HLCS: variants seen among roughly 807,000 people sequenced by gnomAD.
The protein encoded by HLCS is holocarboxylase synthetase, also known as biotin--protein ligase.
HLCS carries 53 observed loss-of-function variants against 75.0 expected under a neutral mutation model. That is an observed-to-expected ratio of 0.71 (90% confidence interval 0.57 to 0.89). HLCS has a LOEUF of 0.89. HLCS is among the 40% of genes least tolerant of loss of function. HLCS has a pLI of 0.00. For synonymous variants in HLCS, 431 were observed against 428.6 expected (o/e 1.01, Z -0.07); for missense variants, 966 against 1,074.0 (o/e 0.90, Z 1.41).
chr21:36,776,134 G>A (rs1316002328), intron 6 of HLCS, among the ~76,000 whole-genome samples: 1 of 152,102 alleles, frequency 6.6e-6, no homozygotes, highest in East Asian at 1.9e-4. Context: ...CTTTTACTTC[G>A]AAATAATATC....
intron 6 of HLCS, among the ~76,000 whole-genome samples, chr21:36,845,644 T>G (rs533657566): frequency 2.6e-4 from 40 of 152,150 alleles, no homozygotes; most frequent in Non-Finnish European, 5.1e-4. Context: ...TGGCCCCCAG[T>G]GGTGGAGCGG....
intron 6 of HLCS, among the ~76,000 whole-genome samples, chr21:36,870,857 A>G (rs1224845322): frequency 6.6e-6 from 1 of 152,194 alleles, no homozygotes; most frequent in African/African-American, 2.4e-5. Context: ...GGTTTGGAAA[A>G]TGGCATCTAA....
intron 1 of HLCS, among the ~76,000 whole-genome samples, chr21:36,976,639 C>T (rs2068946295): frequency 6.6e-6 from 1 of 152,038 alleles, no homozygotes; most frequent in Admixed American, 6.5e-5. Flanking sequence ...TTGGTAAATC[C>T]ATGGTTGTGT....
intron 5 of HLCS, among the ~76,000 whole-genome samples, chr21:36,914,189 C>A (rs1312045537): frequency 1.3e-5 from 2 of 152,230 alleles, no homozygotes; most frequent in African/African-American, 4.8e-5. Flanking sequence ...GGTCCAGGGG[C>A]CAGCACATCT....
chr21:36,773,142 G>A (rs1384174699), intron 6 of HLCS, among the ~76,000 whole-genome samples: 1 of 152,044 alleles, frequency 6.6e-6, no homozygotes, highest in Non-Finnish European at 1.5e-5. Context: ...TAATTGTAGT[G>A]CATTCATTTT....
chr21:36,770,404 C>A (rs1335156629), intron 6 of HLCS, among the ~76,000 whole-genome samples: 4 of 152,028 alleles, frequency 2.6e-5, no homozygotes, highest in Non-Finnish European at 4.4e-5. Flanking sequence ...GCTTCAGCCT[C>A]CCAAAGTGCT....
chr21:36,954,108 C>T (rs890342482), intron 2 of HLCS, among the ~76,000 whole-genome samples: 93 of 152,048 alleles, frequency 6.1e-4, no homozygotes, highest in African/African-American at 2.2e-3. Context: ...GAGATCGAGA[C>T]CATCCTAGGC....
In HLCS at chr21:36,751,843, C is replaced by G. The variant is rs535197739; in HGVS notation, c.*2403G>C. ...CAAAATACGGTCGATACTCAATGCACAGCCTCTAAAACAAGGGCTACTCCA... is the reference window on the plus strand; with the variant it reads ...CAAAATACGGTCGATACTCAATGCAGAGCCTCTAAAACAAGGGCTACTCCA... On this transcript the variant is annotated 3_prime_UTR_variant, in exon 11 of 11. Coordinates refer to ENST00000674895, the MANE Select transcript of HLCS (RefSeq NM_001352514.2). 1.3e-5 allele frequency: 2 copies of G among 152,204 alleles called. No homozygotes were observed. The highest frequency in any genetic ancestry group is 2.4e-5 in the African/African-American group (1 of 41,426). 9.4% of individuals were successfully genotyped at this position (152,204 alleles called of 1,614,324 possible).
chr21:36,853,357 A>G (rs1378191210), intron 6 of HLCS, among the ~76,000 whole-genome samples: 2 of 152,206 alleles, frequency 1.3e-5, no homozygotes, highest in African/African-American at 4.8e-5. Flanking sequence ...GGGTGTAACT[A>G]TGGAAGGAAG....
At chr21:36,984,059 G>A (rs994182171) in intron 1 of HLCS, among the ~76,000 whole-genome samples, 3 of 151,952 alleles carry the variant, frequency 2.0e-5, no homozygotes, top group African/African-American at 4.8e-5. Context: ...GGCTGGTCTC[G>A]AACTCCTGGC....
rs911599606 is a variant in HLCS, at chr21:36,966,544, G to A, written c.95C>T (p.Ser32Leu). ...VRATVRRLRA[S>L]RCSFTFCGAA... ...GCCGCAGAAGGTGAAGGAACAGCGC[G>A]AGGCACGCAGCCGCCGCACCGTGGC... Residue 32 changes from serine to leucine, a missense_variant, in exon 1 of 11, where the codon TCG (serine) becomes TTG (leucine). Ser to Leu is a moderately radical substitution (Grantham distance 145). Transcript: ENST00000674895. 35 of 1,001,044 alleles carry A rather than the reference G, an allele frequency of 3.5e-5. No homozygotes were observed. The highest frequency in any genetic ancestry group is 3.0e-4 in the African/African-American group (17 of 57,214). The allele number at this position is 1,001,044 out of a possible 1,614,324, so 62.0% of individuals were successfully genotyped here.
intron 6 of HLCS, among the ~76,000 whole-genome samples, chr21:36,890,482 A>G (rs1476726712): frequency 6.6e-6 from 1 of 152,158 alleles, no homozygotes; most frequent in East Asian, 1.9e-4. Context: ...AGTCATCAGC[A>G]AGCGGCACCC....
At chr21:36,986,890 C>G (rs1266678931) in intron 1 of HLCS, 1 of 152,256 alleles carries the variant, frequency 6.6e-6, no homozygotes, top group Non-Finnish European at 1.5e-5. Flanking sequence ...CAATCATTAG[C>G]TGGCATTCTC....
chr21:36,828,694 A>ATACT (rs1447453721), intron 6 of HLCS, among the ~76,000 whole-genome samples: 3 of 152,232 alleles, frequency 2.0e-5, no homozygotes, highest in Non-Finnish European at 2.9e-5. Context: ...GATCCCTAGC[A>ATACT]TAAAAGTTGT....
At chr21:36,820,632 G>A (rs2061809127) in intron 6 of HLCS, among the ~76,000 whole-genome samples, 1 of 152,268 alleles carries the variant, frequency 6.6e-6, no homozygotes, top group African/African-American at 2.4e-5. Context: ...ACAGGCTTCT[G>A]GGATGCCAAG....
rs140926019 is a variant in HLCS, at chr21:36,824,680, C to T, written c.1893-57395G>A. On this transcript the variant is annotated intron_variant, in intron 6 of 10. Transcript: ENST00000674895. ...TTCTAGGTTTTGTTTTGTCCATACA[C>T]GGTACAGACTTCCTCCACAGAGGGA... Among the ~76,000 whole-genome samples the T allele has an allele frequency of 1.7e-4, 26 of 152,292 alleles. No homozygotes were observed. The East Asian group carries it at 4.6e-3, about 27-fold the overall frequency.
At position 36,899,388 on chromosome 21, in the gene HLCS, C is replaced by T. The variant is rs573266547; in HGVS notation, c.1621-2257G>A. On this transcript the variant is annotated intron_variant, in intron 5 of 10. Coordinates refer to ENST00000674895, the MANE Select transcript of HLCS (RefSeq NM_001352514.2). ...CCTGTAATCCCAACACTTTGGGAGG[C>T]TGAAGAGGGTGGATCACTTGAGGCC... 2.0e-5 allele frequency among the ~76,000 whole-genome samples: 3 copies of T among 152,206 alleles called. No individual in the cohort carries two copies. The South Asian group carries it at 6.2e-4, about 32-fold the overall frequency.
intron 2 of HLCS, among the ~76,000 whole-genome samples, chr21:36,954,460 C>T (rs2067824834): frequency 6.7e-6 from 1 of 148,604 alleles, no homozygotes; most frequent in Non-Finnish European, 1.5e-5. Flanking sequence ...TAAAAAAATA[C>T]AAAAAATTAA....
intron 5 of HLCS, among the ~76,000 whole-genome samples, chr21:36,918,971 T>G (rs900663643): frequency 1.1e-4 from 17 of 152,256 alleles, no homozygotes; most frequent in African/African-American, 4.1e-4. Context: ...GAAGGCTGAC[T>G]GGACATGAGA....
Sources: gnomAD v4.1 joint callset for allele counts (sites outside exome capture counted in the v4.1 genomes callset) on GRCh38, gnomAD v4.1.1 for gene constraint, MANE v1.5 for transcripts, NCBI Gene and HGNC (gene_info 2026-07-23, HGNC 2026-07-21) for gene names.